ANKS1B: variants seen among roughly 807,000 people sequenced by gnomAD.
ANKS1B encodes ankyrin repeat and sterile alpha motif domain-containing protein 1B.
Under a neutral mutation model 148.3 loss-of-function variants are expected in ANKS1B, and 36 were observed. The ratio of observed to expected loss-of-function variants is 0.24; its 90% CI spans 0.19 to 0.32. The LOEUF (loss-of-function observed/expected upper bound fraction) is 0.32, where lower values mean the gene tolerates loss of function less well. ANKS1B is among the 10% of genes least tolerant of loss of function. ANKS1B has a pLI of 1.00. For missense variants in ANKS1B, 1,157 were observed against 1,542.6 expected (o/e 0.75, Z 4.19); for synonymous variants, 542 against 560.8 (o/e 0.97, Z 0.47).
At chr12:98,883,743 T>C (rs998043728) in intron 17 of ANKS1B, among the ~76,000 whole-genome samples, 5 of 152,198 alleles carry the variant, frequency 3.3e-5, no homozygotes, top group Non-Finnish European at 5.9e-5. Context: ...TAGTTGGAAG[T>C]TGTGCAACGA....
chr12:99,065,443 A>C (rs2043803948), intron 16 of ANKS1B, among the ~76,000 whole-genome samples: 1 of 152,218 alleles, frequency 6.6e-6, no homozygotes, highest in South Asian at 2.1e-4. Context: ...TGTACCACAC[A>C]ACCAGAATTA....
intron 8 of ANKS1B, among the ~76,000 whole-genome samples, chr12:99,664,501 C>T (rs1050115101): frequency 1.1e-4 from 17 of 151,686 alleles, no homozygotes; most frequent in Non-Finnish European, 1.9e-4. Context: ...CCACAGTCAG[C>T]GTACAGTATG....
chr12:99,031,654 G>A (rs1211171543), intron 17 of ANKS1B, among the ~76,000 whole-genome samples: 1 of 152,180 alleles, frequency 6.6e-6, no homozygotes, highest in African/African-American at 2.4e-5. Context: ...GATGACAGAA[G>A]CTGCCATAGC....
chr12:98,968,047 AG>A (rs1453367068), intron 17 of ANKS1B, among the ~76,000 whole-genome samples: 2 of 152,176 alleles, frequency 1.3e-5, no homozygotes, highest in Non-Finnish European at 2.9e-5. Context: ...GGTGGAAGAC[AG>A]GGAAAGTACC....
exon 10 of ANKS1B, chr12:98,735,385 T>G: frequency 2.3e-6 from 1 of 430,648 alleles, no homozygotes; most frequent in Non-Finnish European, 4.1e-6. Context: ...AAATATGAAT[T>G]TAAAAAATTT....
chr12:99,579,832 A>T (rs748925220), intron 9 of ANKS1B, among the ~76,000 whole-genome samples: 5 of 152,188 alleles, frequency 3.3e-5, no homozygotes, highest in Non-Finnish European at 7.3e-5. Context: ...CATTCAATCC[A>T]GCAATCCTAT....
chr12:99,545,921 CACATGGGTTCACTTTACCTAA>C (rs1208489457), intron 9 of ANKS1B, among the ~76,000 whole-genome samples: 1 of 151,738 alleles, frequency 6.6e-6, no homozygotes, highest in African/African-American at 2.4e-5. Flanking sequence ...CTCATAGTGT[CACATGGGTTCACTTTACCTAA>C]AGATGGAATA....
At chr12:98,851,334 G>A (rs1470033583) in intron 17 of ANKS1B, among the ~76,000 whole-genome samples, 1 of 152,194 alleles carries the variant, frequency 6.6e-6, no homozygotes, top group East Asian at 1.9e-4. Flanking sequence ...TCTACCTGGG[G>A]AGCTGGGGAT....
In ANKS1B at chr12:99,698,097, T is replaced by G. The variant is rs1176221069; in HGVS notation, c.1129-42887A>C. ...CTCTGAGTATACCTGTTTATATAGTTTTGATGACATATTAATATTTTATAT... is the reference window on the plus strand; with the variant it reads ...CTCTGAGTATACCTGTTTATATAGTGTTGATGACATATTAATATTTTATAT... On this transcript the variant is annotated intron_variant, in intron 8 of 26. Coordinates refer to ENST00000683438, the MANE Select transcript of ANKS1B (RefSeq NM_001352186.2). Among the ~76,000 whole-genome samples, 4 of 151,984 alleles carry G rather than the reference T, an allele frequency of 2.6e-5. No homozygotes were observed. In the East Asian group the frequency reaches 5.8e-4, roughly 22 times the overall value.
intron 1 of ANKS1B, among the ~76,000 whole-genome samples, chr12:99,848,154 T>C (rs372402153): frequency 6.6e-6 from 1 of 151,892 alleles, no homozygotes; most frequent in Admixed American, 6.6e-5. Context: ...TGTGATAGCA[T>C]CTATTTGTGG....
At chr12:99,083,892 G>C (rs1288811838) in intron 16 of ANKS1B, 1 of 152,032 alleles carries the variant, frequency 6.6e-6, no homozygotes, top group South Asian at 2.1e-4. Flanking sequence ...GTTCAGGTTG[G>C]TATGGCCATA....
At chr12:99,797,943 T>C (rs551168521) in intron 4 of ANKS1B, among the ~76,000 whole-genome samples, 38 of 152,084 alleles carry the variant, frequency 2.5e-4, no homozygotes, top group African/African-American at 8.7e-4. Flanking sequence ...GTGACTTCCA[T>C]GGAAGCTCAG....
intron 10 of ANKS1B, among the ~76,000 whole-genome samples, chr12:99,480,697 A>G (rs2096397015): frequency 6.6e-6 from 1 of 151,864 alleles, no homozygotes; most frequent in Admixed American, 6.6e-5. Context: ...TAAGTTACAT[A>G]TGACATTATT....
rs532674990 is a variant in ANKS1B, at chr12:98,982,610, T to A, written c.2778+70547A>T. ...GTCACTTCAATATATATTGTTAGGG[T>A]TTGCATATTTTTGAATGCATGAACC... On this transcript the variant is annotated intron_variant, in intron 17 of 26. Coordinates refer to ENST00000683438, the MANE Select transcript of ANKS1B (RefSeq NM_001352186.2). Among the ~76,000 whole-genome samples, 142 of 152,316 alleles carry A rather than the reference T, an allele frequency of 9.3e-4. 1 individual carries two copies. Among genetic ancestry groups the A allele is most frequent in the African/African-American group, 3.2e-3 (135 of 41,576 alleles).
chr12:99,575,725 A>G (rs1056010346), intron 9 of ANKS1B, among the ~76,000 whole-genome samples: 2 of 152,104 alleles, frequency 1.3e-5, no homozygotes, highest in Non-Finnish European at 2.9e-5. Flanking sequence ...CATGGGAATT[A>G]TGGGAGCTAC....
rs566970210 is a variant in ANKS1B at position 99,443,916 on chromosome 12, T to A, written c.1439-107A>T. On this transcript the variant is annotated intron_variant, in intron 10 of 26. Transcript: ENST00000683438. ...TTGAGATTTCAACTTTTAAAACTGG[T>A]ATCAATTACAAGATCATAATGAGGA... is the stretch of plus-strand genomic sequence containing the variant. The A allele has an allele frequency of 4.7e-3, 6,066 of 1,283,492 alleles. 25 individuals carry two copies. The highest frequency in any genetic ancestry group is 6.0e-3 in the Non-Finnish European group (5,556 of 928,216). The allele number at this position is 1,283,492 out of a possible 1,614,324, so 79.5% of individuals were successfully genotyped here.
At chr12:99,424,359 A>C (rs17029432) in intron 11 of ANKS1B, among the ~76,000 whole-genome samples, 19,578 of 152,082 alleles carry the variant, frequency 0.13, 1,520 homozygotes, top group East Asian at 0.39. Flanking sequence ...GCTTTTGAGG[A>C]AGTAAAATAA....
intron 15 of ANKS1B, among the ~76,000 whole-genome samples, chr12:99,094,163 A>G (rs2055082092): frequency 6.6e-6 from 1 of 152,244 alleles, no homozygotes; most frequent in African/African-American, 2.4e-5. Flanking sequence ...GTGAGATACA[A>G]TGAGATCAGG....
intron 8 of ANKS1B, among the ~76,000 whole-genome samples, chr12:99,721,552 T>C (rs1030771166): frequency 5.3e-5 from 8 of 152,200 alleles, no homozygotes; most frequent in Admixed American, 1.3e-4. Flanking sequence ...CACTCCTGCC[T>C]GCCAGAGAAC....
Sources: gnomAD v4.1 joint callset for allele counts (sites outside exome capture counted in the v4.1 genomes callset) on GRCh38, gnomAD v4.1.1 for gene constraint, MANE v1.5 for transcripts, NCBI Gene and HGNC (gene_info 2026-07-23, HGNC 2026-07-21) for gene names.